The following THSD7B variants were observed in gnomAD, a reference collection of about 807,000 sequenced individuals.
THSD7B encodes thrombospondin type-1 domain-containing protein 7B.
Under a neutral mutation model 213.6 loss-of-function variants are expected in THSD7B, and 138 were observed. The ratio of observed to expected loss-of-function variants is 0.65; its 90% CI spans 0.56 to 0.74. The LOEUF is 0.74. Among genes scored for constraint, THSD7B ranks in the 30% least tolerant of loss-of-function variants. The pLI, the probability that THSD7B is intolerant of heterozygous loss-of-function variation, is 0.00. For missense variants in THSD7B, 1,931 were observed against 1,991.5 expected (o/e 0.97, Z 0.58); for synonymous variants, 742 against 687.0 (o/e 1.08, Z -1.25).
intron 2 of THSD7B, among the ~76,000 whole-genome samples, chr2:137,012,704 C>A (rs1432112079): frequency 6.6e-6 from 1 of 152,228 alleles, no homozygotes; most frequent in African/African-American, 2.4e-5. Flanking sequence ...CCACAGTTTT[C>A]ACATCACATG....
At chr2:137,266,538 G>T (rs77176953) in intron 10 of THSD7B, among the ~76,000 whole-genome samples, 2,967 of 152,284 alleles carry the variant, frequency 0.019, 102 homozygotes, top group African/African-American at 0.067. Flanking sequence ...GAGTTAAAAG[G>T]TGGTAAGCCT....
chr2:137,302,029 C>T (rs1211998267), intron 12 of THSD7B, among the ~76,000 whole-genome samples: 1 of 152,024 alleles, frequency 6.6e-6, no homozygotes, highest in Non-Finnish European at 1.5e-5. Flanking sequence ...GATGATGTGA[C>T]TTGGACCAGA....
chr2:137,638,042 A>G lies in THSD7B; in HGVS notation c.3800-4446A>G, dbSNP rs193062547. On this transcript the variant is annotated intron_variant, in intron 20 of 27. Transcript: ENST00000409968. ...AGGGACAACATTTGATGTGAATGAT[A>G]TCTGACCTGTATGATTTGAGTGATG... Among the ~76,000 whole-genome samples the G allele has an allele frequency of 3.9e-5, 6 of 152,348 alleles. No homozygotes were observed. The East Asian group carries it at 5.8e-4, about 15-fold the overall frequency.
chr2:137,220,232 T>C lies in THSD7B; in HGVS notation c.1724-10812T>C, dbSNP rs545753595. ...AAAACTTTCTCTGCAGAAGACACTG[T>C]TTAGAAAATGGAAAAAAAAAAGACT... On this transcript the variant is annotated intron_variant, in intron 7 of 27. Transcript: ENST00000409968. Among the ~76,000 whole-genome samples the C allele has an allele frequency of 6.5e-5, 7 of 107,520 alleles. No homozygotes were observed. The South Asian group carries it at 2.5e-3, about 38-fold the overall frequency. 70.5% of individuals were successfully genotyped at this position (107,520 alleles called of 152,430 possible). A position where few individuals can be genotyped will look rare whatever the true frequency, so the allele number is the denominator to read the frequency against.
intron 14 of THSD7B, among the ~76,000 whole-genome samples, chr2:137,447,876 G>C (rs1687572459): frequency 2.6e-5 from 4 of 152,118 alleles, no homozygotes; most frequent in Admixed American, 2.0e-4. Flanking sequence ...TGGAAATGAA[G>C]AATGTTCCTT....
At position 137,493,583 on chromosome 2, in the gene THSD7B, A is replaced by T. The variant is rs558807612; in HGVS notation, c.3138+42560A>T. ...AAGTCTATTATCATCTTCAAGTAAA[A>T]GAATGCCTGGTGGTAAAGGTTAGCT... On this transcript the variant is annotated intron_variant, in intron 15 of 27. Transcript: ENST00000409968. Among the ~76,000 whole-genome samples the T allele has an allele frequency of 2.0e-5, 3 of 152,336 alleles. No individual in the cohort carries two copies. The East Asian group carries it at 5.8e-4, about 29-fold the overall frequency.
chr2:137,303,694 T>TTC (rs1683665009), intron 12 of THSD7B, among the ~76,000 whole-genome samples: 1 of 93,928 alleles, frequency 1.1e-5, no homozygotes, highest in African/African-American at 5.0e-5. Flanking sequence ...TTATATATAT[T>TTC]TATATATATT....
At chr2:137,531,907 T>C (rs1005316242) in intron 15 of THSD7B, among the ~76,000 whole-genome samples, 2 of 151,960 alleles carry the variant, frequency 1.3e-5, no homozygotes, top group Admixed American at 6.6e-5. Context: ...GAATATCAAG[T>C]AGTATTCCTC....
At chr2:137,324,457 CTG>C (rs72269315) in intron 12 of THSD7B, among the ~76,000 whole-genome samples, 33,969 of 151,884 alleles carry the variant, frequency 0.22, 3,963 homozygotes, top group South Asian at 0.3. Flanking sequence ...TCAAAAATTT[CTG>C]TGTGTTTTAT....
At chr2:137,454,929 G>T (rs1435763296) in intron 15 of THSD7B, among the ~76,000 whole-genome samples, 1 of 152,074 alleles carries the variant, frequency 6.6e-6, no homozygotes. Context: ...AAATTATAAC[G>T]TTAAGAGAGG....
intron 7 of THSD7B, among the ~76,000 whole-genome samples, chr2:137,211,331 TACAC>T (rs1224147467): frequency 1.9e-3 from 12 of 6,276 alleles, no homozygotes; most frequent in East Asian, 0.016. Flanking sequence ...CTATCCTTCC[TACAC>T]ACACACACAC....
At chr2:136,962,403 C>CTT (rs71400559) in intron 2 of THSD7B, among the ~76,000 whole-genome samples, 10,275 of 99,672 alleles carry the variant, frequency 0.1, 1,009 homozygotes, top group Non-Finnish European at 0.12. Context: ...AATCTGTTAT[C>CTT]TTTTTTTTTT....
At chr2:137,086,069 G>A (rs182480700) in intron 3 of THSD7B, among the ~76,000 whole-genome samples, 1 of 152,226 alleles carries the variant, frequency 6.6e-6, no homozygotes, top group African/African-American at 2.4e-5. Flanking sequence ...AAAGTTGGCT[G>A]GGTGCGGTGG....
chr2:137,368,745 A>C (rs1685476999), intron 12 of THSD7B, among the ~76,000 whole-genome samples: 1 of 152,168 alleles, frequency 6.6e-6, no homozygotes, highest in African/African-American at 2.4e-5. Flanking sequence ...TATGAGGTAA[A>C]AGACTGTGTT....
At chr2:137,437,987 C>T (rs957933524) in intron 14 of THSD7B, among the ~76,000 whole-genome samples, 2 of 152,092 alleles carry the variant, frequency 1.3e-5, no homozygotes, top group African/African-American at 4.8e-5. Context: ...TGGAATTTCT[C>T]AAAATGAAAC....
chr2:137,184,227 G>T lies in THSD7B; in HGVS notation c.1723+13289G>T, dbSNP rs191796803. Reference sequence around the variant, plus strand: ...TGGTGAAACGCAGAGGAGGGAAAAAGGGCTAAGCACTGTGAGAAACCTCTA... The same window carrying T: ...TGGTGAAACGCAGAGGAGGGAAAAATGGCTAAGCACTGTGAGAAACCTCTA... On this transcript the variant is annotated intron_variant, in intron 7 of 27. Transcript: ENST00000409968. Among the ~76,000 whole-genome samples the T allele has an allele frequency of 1.2e-3, 189 of 152,276 alleles. 1 individual carries two copies. Among genetic ancestry groups the T allele is most frequent in the Admixed American group, 2.6e-3 (40 of 15,292 alleles).
At chr2:137,557,580 T>G (rs1681005020) in intron 15 of THSD7B, among the ~76,000 whole-genome samples, 1 of 151,458 alleles carries the variant, frequency 6.6e-6, no homozygotes, top group Non-Finnish European at 1.5e-5. Context: ...TAGAGGGAAA[T>G]ATATAGCACT....
intron 12 of THSD7B, among the ~76,000 whole-genome samples, chr2:137,307,463 G>A (rs768494547): frequency 5.3e-5 from 8 of 152,040 alleles, no homozygotes; most frequent in Non-Finnish European, 2.9e-5. Context: ...GAATCAATAC[G>A]AATTTCCACT....
At chr2:137,362,162 C>A (rs866112083) in intron 12 of THSD7B, among the ~76,000 whole-genome samples, 1 of 152,118 alleles carries the variant, frequency 6.6e-6, no homozygotes, top group African/African-American at 2.4e-5. Context: ...GAAATAAAAT[C>A]CTTTACAGAC....
Sources: gnomAD v4.1 joint callset for allele counts (sites outside exome capture counted in the v4.1 genomes callset) on GRCh38, gnomAD v4.1.1 for gene constraint, MANE v1.5 for transcripts, NCBI Gene and HGNC (gene_info 2026-07-23, HGNC 2026-07-21) for gene names.